Variants in ZBTB40 observed in about 807,000 individuals in gnomAD.
ZBTB40 encodes the protein zinc finger and BTB domain-containing protein 40.
In ZBTB40, 60 loss-of-function variants were observed where a neutral mutation model predicts 117.5. The observed-to-expected ratio is 0.51, with a 90% CI of 0.41 to 0.63. The LOEUF is 0.63. Ranked by LOEUF, ZBTB40 falls within the 30% of genes least tolerant of loss-of-function variation. ZBTB40 has a pLI of 0.00. For synonymous variants in ZBTB40, 525 were observed against 577.1 expected (o/e 0.91, Z 1.29); for missense variants, 1,287 against 1,498.5 (o/e 0.86, Z 2.33).
At chr1:22,495,607 G>A (rs770634194) in intron 3 of ZBTB40, among the ~76,000 whole-genome samples, 1 of 152,106 alleles carries the variant, frequency 6.6e-6, no homozygotes, top group Non-Finnish European at 1.5e-5. Context: ...CACCTCCTGG[G>A]TTCAAGCAGT....
At position 22,520,236 on chromosome 1, in the gene ZBTB40, G is replaced by T; in HGVS notation, c.3009G>T (p.Gly1003=). The stretch of plus-strand genomic sequence containing the variant: ...GGCACGTGGTGACCCACGTTGGAGG[G>T]AAGCCCTTCAGCTGCGGGATCTGCA... ...LERHVVTHVG[G]KPFSCGICNK... Residue 1003 remains glycine, a synonymous_variant, in exon 14 of 18, where the codon GGG becomes GGT. Transcript: ENST00000375647. 6.2e-7 allele frequency: 1 copy of T among 1,613,686 alleles called. No homozygotes were observed. The highest frequency in any genetic ancestry group is 1.7e-5 in the Admixed American group (1 of 59,986).
intron 1 of ZBTB40, among the ~76,000 whole-genome samples, chr1:22,473,683 A>G (rs1468585178): frequency 1.3e-5 from 2 of 152,244 alleles, no homozygotes; most frequent in Non-Finnish European, 1.5e-5. Context: ...CTCACTGACC[A>G]GTTCCCTCAG....
chr1:22,517,643 G>A, intron 13 of ZBTB40, 179 bp downstream of exon 13: 1 of 742,796 alleles, frequency 1.3e-6, no homozygotes, highest in African/African-American at 1.8e-5. Context: ...CTCATTTTAA[G>A]GTATCTCATA....
chr1:22,431,336 T>TA (rs1640583014), intron 1 of ZBTB40, among the ~76,000 whole-genome samples: 4 of 143,796 alleles, frequency 2.8e-5, no homozygotes, highest in African/African-American at 1.0e-4. Flanking sequence ...TATATATATA[T>TA]TATATAGTGT....
rs1344570100 is a variant in ZBTB40, at chr1:22,508,089, A to G, written c.1449A>G (p.Leu483=). ...LSEIFTDNQI[L]LKMISHMTSL... ...AGATTTTCACAGACAACCAGATTTT[A>G]TTAAAGATGATCTCACACATGACAA... The change falls in exon 7 of 18, where the codon TTA becomes TTG. Residue 483 remains leucine, a synonymous_variant. Coordinates refer to ENST00000375647, the MANE Select transcript of ZBTB40 (RefSeq NM_014870.4). 2 of 1,614,190 alleles carry G rather than the reference A, an allele frequency of 1.2e-6. No homozygotes were observed. The highest frequency in any genetic ancestry group is 2.2e-5 in the East Asian group (1 of 44,884).
rs1639245100 is a variant in ZBTB40, at chr1:22,511,820, C to G, written c.2147C>G (p.Ser716Cys). ...GEQNDQGETG[S>C]LPGQQEKEAS... ...CAGAATGATCAAGGAGAGACTGGTT[C>G]CTTGCCAGGACAGCAAGAGAAAGAG... The change falls in exon 11 of 18, where the codon TCC becomes TGC. Residue 716 changes from serine (S) to cysteine (C), a missense_variant. This residue lies in a region of ZBTB40 where 870 missense variants were observed against 934.4 expected (regional missense o/e 0.93). Coordinates refer to ENST00000375647, the MANE Select transcript of ZBTB40 (RefSeq NM_014870.4). 6.2e-7 allele frequency: 1 copy of G among 1,614,112 alleles called. No homozygotes were observed. The highest frequency in any genetic ancestry group is 8.5e-7 in the Non-Finnish European group (1 of 1,180,012).
In ZBTB40 at chr1:22,437,242, C is replaced by T. The variant is rs79301645; in HGVS notation, c.-70+8228C>T. On this transcript the variant is annotated intron_variant, in intron 1 of 8. Transcript: ENST00000650433. ...TCATAATTTACCAGAGCATAATAAACCTCCATGGAAACTAGTGCTGGGTAA... is the reference window on the plus strand; with the variant it reads ...TCATAATTTACCAGAGCATAATAAATCTCCATGGAAACTAGTGCTGGGTAA... Among the ~76,000 whole-genome samples, 699 of 152,212 alleles carry T rather than the reference C, an allele frequency of 4.6e-3. 4 individuals are homozygous for T. The highest frequency in any genetic ancestry group is 8.6e-3 in the Non-Finnish European group (586 of 68,008).
chr1:22,504,037 G>A (rs182401320), intron 5 of ZBTB40, among the ~76,000 whole-genome samples: 2 of 152,348 alleles, frequency 1.3e-5, no homozygotes, highest in Admixed American at 1.3e-4. Context: ...TGAAGCAGAA[G>A]AGCTTAAATT....
intron 3 of ZBTB40, among the ~76,000 whole-genome samples, chr1:22,499,126 T>C (rs1638857284): frequency 6.6e-6 from 1 of 152,218 alleles, no homozygotes; most frequent in African/African-American, 2.4e-5. Context: ...GGAGTATCTT[T>C]TTCTAAGCCC....
chr1:22,490,102 C>T lies in ZBTB40; in HGVS notation c.154C>T (p.Leu52=). 1 of 1,614,192 alleles carries T rather than the reference C, an allele frequency of 6.2e-7. No homozygotes were observed. The highest frequency in any genetic ancestry group is 8.5e-7 in the Non-Finnish European group (1 of 1,180,032). Residue 52 remains leucine, a synonymous_variant, in exon 2 of 18, where the codon CTG becomes TTG. Transcript: ENST00000375647. ...LAAASLLFKT[L]LDNTDTISID... Reference sequence around the variant, plus strand: ...TGCTGCCAGCCTCCTGTTCAAAACCCTGCTGGATAACACAGATACCATCTC... The same window carrying T: ...TGCTGCCAGCCTCCTGTTCAAAACCTTGCTGGATAACACAGATACCATCTC...
chr1:22,497,324 A>T (rs1443876166), intron 3 of ZBTB40, among the ~76,000 whole-genome samples: 1 of 152,170 alleles, frequency 6.6e-6, no homozygotes, highest in African/African-American at 2.4e-5. Flanking sequence ...CTCCTATGTG[A>T]ATCTGATGTT....
chr1:22,509,687 C>T (rs1639178241), intron 9 of ZBTB40, among the ~76,000 whole-genome samples: 1 of 152,192 alleles, frequency 6.6e-6, no homozygotes, highest in African/African-American at 2.4e-5. Context: ...CTAATGCTTC[C>T]TAACACGTTT....
intron 13 of ZBTB40, among the ~76,000 whole-genome samples, chr1:22,517,807 TTC>T (rs1639415638): frequency 1.9e-5 from 1 of 53,934 alleles, no homozygotes; most frequent in Non-Finnish European, 3.3e-5. Context: ...TTAGGCCATC[TTC>T]CATTTGCCTT....
intron 1 of ZBTB40, among the ~76,000 whole-genome samples, chr1:22,465,271 G>A (rs776878271): frequency 4.6e-5 from 7 of 152,184 alleles, no homozygotes; most frequent in Non-Finnish European, 1.0e-4. Context: ...ACTCCTCTCT[G>A]CGGGCAGGTC....
intron 1 of ZBTB40, among the ~76,000 whole-genome samples, chr1:22,480,596 C>T (rs567690479): frequency 1.8e-4 from 27 of 149,204 alleles, no homozygotes; most frequent in Admixed American, 8.7e-4. Context: ...GTGATCTGCC[C>T]GCCTCGGCCT....
At chr1:22,475,734 G>T (rs1024038662) in intron 1 of ZBTB40, among the ~76,000 whole-genome samples, 1 of 152,098 alleles carries the variant, frequency 6.6e-6, no homozygotes, top group Non-Finnish European at 1.5e-5. Flanking sequence ...GTTGGATTCA[G>T]GATTGGATTA....
At chr1:22,454,749 T>C (rs946915533) in intron 1 of ZBTB40, among the ~76,000 whole-genome samples, 2 of 152,254 alleles carry the variant, frequency 1.3e-5, no homozygotes, top group African/African-American at 4.8e-5. Flanking sequence ...AGATTAGTTA[T>C]CTGACCTGGA....
At chr1:22,451,249 C>A (rs970671919), upstream of ZBTB40, among the ~76,000 whole-genome samples, 1 of 152,224 alleles carries the variant, frequency 6.6e-6, no homozygotes, top group African/African-American at 2.4e-5. Context: ...GCCTCTCCGC[C>A]TCGCACGTGA....
chr1:22,508,708 G>A lies in ZBTB40; in HGVS notation c.1676G>A (p.Gly559Asp), dbSNP rs1231603292. 1 of 1,613,992 alleles carries A rather than the reference G, an allele frequency of 6.2e-7. No homozygotes were observed. The highest frequency in any genetic ancestry group is 8.5e-7 in the Non-Finnish European group (1 of 1,180,032). The change falls in exon 8 of 18, where the codon GGT (glycine) becomes GAT (aspartate). Residue 559 changes from glycine (G) to aspartate (D), a missense_variant. By Grantham distance (94) the Gly-to-Asp change is moderately conservative. Transcript: ENST00000375647. ...LLMEEIRREP[G>D]ADAFFRAVTT... ...ATGGAGGAAATACGAAGGGAGCCTG[G>A]TGCCGATGCTTTCTTCCGGGCAGGT...
Sources: gnomAD v4.1 joint callset for allele counts (sites outside exome capture counted in the v4.1 genomes callset) on GRCh38, gnomAD v4.1.1 for gene constraint, gnomAD v4.1.1 regional missense constraint, MANE v1.5 for transcripts, NCBI Gene and HGNC (gene_info 2026-07-23, HGNC 2026-07-21) for gene names.